The following CCDC148 variants were observed in gnomAD, a reference collection of about 807,000 sequenced individuals.
CCDC148 encodes the protein coiled-coil domain containing 148, also known as coiled-coil domain-containing protein 148.
Under a neutral mutation model 85.7 loss-of-function variants are expected in CCDC148, and 89 were observed. The observed-to-expected ratio is 1.04, with a 90% CI of 0.87 to 1.24. The LOEUF is 1.24. CCDC148 is among the 50% of genes most tolerant of loss of function. CCDC148 has a pLI of 0.00. For missense variants in CCDC148, 692 were observed against 671.7 expected, an observed-to-expected ratio of 1.03 and a Z score of -0.33; for synonymous variants, 230 against 213.9, an observed-to-expected ratio of 1.08 and a Z score of -0.66.
intron 11 of CCDC148, among the ~76,000 whole-genome samples, chr2:158,210,065 C>A (rs902803479): frequency 6.6e-6 from 1 of 152,130 alleles, no homozygotes; most frequent in Non-Finnish European, 1.5e-5. Context: ...TTCAAGAGAC[C>A]CATCTCACGT....
chr2:158,224,701 C>G (rs1448905155), intron 10 of CCDC148, among the ~76,000 whole-genome samples: 1 of 152,174 alleles, frequency 6.6e-6, no homozygotes, highest in Non-Finnish European at 1.5e-5. Flanking sequence ...TCCAGCCAAA[C>G]TAAGCTTCGT....
At chr2:158,291,741 GA>G (rs1415260648) in intron 9 of CCDC148, among the ~76,000 whole-genome samples, 5 of 152,202 alleles carry the variant, frequency 3.3e-5, no homozygotes, top group East Asian at 3.8e-4. Context: ...CCCTGAGGAT[GA>G]ATTACTCATC....
intron 10 of CCDC148, among the ~76,000 whole-genome samples, chr2:158,222,127 A>T (rs1265214701): frequency 6.6e-6 from 1 of 152,190 alleles, no homozygotes; most frequent in African/African-American, 2.4e-5. Flanking sequence ...AGCTACTTCA[A>T]AACAAATTTT....
At chr2:158,279,411 T>A (rs1368743522) in intron 9 of CCDC148, among the ~76,000 whole-genome samples, 1 of 152,072 alleles carries the variant, frequency 6.6e-6, no homozygotes, top group African/African-American at 2.4e-5. Context: ...CAAGAATAAC[T>A]AATACAGAGA....
intron 11 of CCDC148, among the ~76,000 whole-genome samples, chr2:158,205,947 G>C (rs1182987519): frequency 6.6e-6 from 1 of 152,120 alleles, no homozygotes; most frequent in Non-Finnish European, 1.5e-5. Context: ...GGGTTCTGCA[G>C]CACAATCATG....
chr2:158,438,737 G>A (rs1041629440), intron 1 of CCDC148, among the ~76,000 whole-genome samples: 1 of 152,116 alleles, frequency 6.6e-6, no homozygotes, highest in African/African-American at 2.4e-5. Flanking sequence ...CTGACGAAGG[G>A]CTAATATCCA....
intron 2 of CCDC148, among the ~76,000 whole-genome samples, chr2:158,357,531 T>C (rs560383063): frequency 7.2e-5 from 11 of 152,302 alleles, no homozygotes; most frequent in Admixed American, 2.0e-4. Context: ...ATGAAAAGTT[T>C]TGTTAGGATG....
At chr2:158,307,222 T>C (rs1239008379) in intron 9 of CCDC148, among the ~76,000 whole-genome samples, 3 of 150,532 alleles carry the variant, frequency 2.0e-5, no homozygotes, top group African/African-American at 7.3e-5. Context: ...TACAAATAAG[T>C]AAGAAAAAAA....
At chr2:158,448,488 C>G (rs896120541) in intron 1 of CCDC148, among the ~76,000 whole-genome samples, 1 of 152,002 alleles carries the variant, frequency 6.6e-6, no homozygotes, top group Admixed American at 6.6e-5. Context: ...GCTGGGACCA[C>G]AGGTGTGAGC....
chr2:158,200,241 GT>G (rs1574387367), intron 11 of CCDC148, among the ~76,000 whole-genome samples: 1 of 152,190 alleles, frequency 6.6e-6, no homozygotes, highest in East Asian at 1.9e-4. Flanking sequence ...ATGATATTAA[GT>G]TTTCTGAAGC....
At chr2:158,269,101 T>C (rs188603748) in intron 9 of CCDC148, among the ~76,000 whole-genome samples, 163 of 152,270 alleles carry the variant, frequency 1.1e-3, no homozygotes, top group African/African-American at 3.7e-3. Flanking sequence ...GCTGGGCATA[T>C]GGTAGTTCTA....
chr2:158,353,873 C>T (rs1683469628), intron 2 of CCDC148, among the ~76,000 whole-genome samples: 1 of 152,142 alleles, frequency 6.6e-6, no homozygotes, highest in Admixed American at 6.5e-5. Context: ...TTATAACAAA[C>T]TATCTCTCAG....
At chr2:158,228,887 C>T (rs1031581550) in intron 10 of CCDC148, among the ~76,000 whole-genome samples, 1 of 146,704 alleles carries the variant, frequency 6.8e-6, no homozygotes, top group African/African-American at 2.5e-5. Flanking sequence ...TGCAGCACAC[C>T]AACATGGCAC....
intron 11 of CCDC148, among the ~76,000 whole-genome samples, chr2:158,201,211 T>C (rs1427501441): frequency 3.9e-5 from 6 of 152,174 alleles, no homozygotes. Flanking sequence ...TTTCATTTAA[T>C]ATTGGTATTT....
intron 13 of CCDC148, among the ~76,000 whole-genome samples, chr2:158,175,643 C>T (rs1334823032): frequency 1.3e-5 from 2 of 152,026 alleles, no homozygotes; most frequent in Admixed American, 6.6e-5. Context: ...TACGCAGAGC[C>T]AGAATATAAT....
At chr2:158,368,880 TA>T (rs1430912870) in intron 1 of CCDC148, among the ~76,000 whole-genome samples, 1 of 152,106 alleles carries the variant, frequency 6.6e-6, no homozygotes, top group Non-Finnish European at 1.5e-5. Flanking sequence ...ATCATTTATA[TA>T]AGGAGGCAGT....
intron 11 of CCDC148, among the ~76,000 whole-genome samples, chr2:158,197,320 G>A (rs927046485): frequency 6.6e-5 from 10 of 152,106 alleles, no homozygotes; most frequent in African/African-American, 2.4e-4. Context: ...TTTGAAGGTA[G>A]AGAGTCTAAT....
intron 2 of CCDC148, 81 bp downstream of exon 2, chr2:158,358,368 T>C (rs1683765721): frequency 6.7e-7 from 1 of 1,489,962 alleles, no homozygotes; most frequent in South Asian, 1.2e-5. Context: ...ATGTCATTTA[T>C]TTTCACATTG....
chr2:158,407,596 T>A (rs2105311620), intron 1 of CCDC148, among the ~76,000 whole-genome samples: 1 of 152,268 alleles, frequency 6.6e-6, no homozygotes, highest in East Asian at 1.9e-4. Context: ...CTGGACCAGT[T>A]TATTAAATTT....
Sources: gnomAD v4.1 joint callset for allele counts (sites outside exome capture counted in the v4.1 genomes callset) on GRCh38, gnomAD v4.1.1 for gene constraint, MANE v1.5 for transcripts, NCBI Gene and HGNC (gene_info 2026-07-23, HGNC 2026-07-21) for gene names.